The following ADAMTSL1 variants were observed in gnomAD, a reference collection of about 807,000 sequenced individuals.
ADAMTSL1 encodes the protein ADAMTS like 1.
A neutral mutation model predicts 201.8 loss-of-function variants in ADAMTSL1; 126 were observed. That is an observed-to-expected ratio of 0.62 (90% CI 0.54 to 0.72). ADAMTSL1 has a LOEUF of 0.72. Ranked by LOEUF, ADAMTSL1 falls within the 30% of genes least tolerant of loss-of-function variation. The pLI is 0.00. For missense variants in ADAMTSL1, 2,679 were observed against 2,277.8 expected (o/e 1.18, Z -3.59); for synonymous variants, 1,121 against 903.4 (o/e 1.24, Z -4.32).
chr9:18,402,843 G>T (rs957139423), intron 2 of ADAMTSL1, among the ~76,000 whole-genome samples: 10 of 152,074 alleles, frequency 6.6e-5, no homozygotes, highest in Admixed American at 3.9e-4. Flanking sequence ...GACTGCTATT[G>T]GGCTAGAATC....
chr9:18,878,314 C>T (rs1370759473), intron 23 of ADAMTSL1, among the ~76,000 whole-genome samples: 1 of 152,220 alleles, frequency 6.6e-6, no homozygotes, highest in Non-Finnish European at 1.5e-5. Flanking sequence ...GTCCAGGAAA[C>T]TTCATATCCA....
intron 1 of ADAMTSL1, among the ~76,000 whole-genome samples, chr9:17,940,712 CA>C (rs60466124): frequency 0.019 from 1,726 of 88,634 alleles, 29 homozygotes; most frequent in African/African-American, 0.062. Flanking sequence ...GCATAACGTG[CA>C]AAAAAAAAAA....
At chr9:18,202,149 A>G (rs1829474418) in intron 2 of ADAMTSL1, among the ~76,000 whole-genome samples, 1 of 152,180 alleles carries the variant, frequency 6.6e-6, no homozygotes. Flanking sequence ...TGCATTTCCC[A>G]GACAAACACA....
chr9:18,657,536 G>C, intron 7 of ADAMTSL1, 103 bp from the exon 8 acceptor site: 2 of 801,728 alleles, frequency 2.5e-6, no homozygotes, highest in South Asian at 1.6e-5. Context: ...CCCTCACACA[G>C]CCTAAAACCA....
At chr9:18,100,697 T>A (rs1270642030) in intron 1 of ADAMTSL1, among the ~76,000 whole-genome samples, 1 of 152,140 alleles carries the variant, frequency 6.6e-6, no homozygotes, top group Non-Finnish European at 1.5e-5. Flanking sequence ...ATCCCTGACC[T>A]AGACAGGAGG....
At chr9:18,554,251 T>A (rs140581793) in intron 3 of ADAMTSL1, among the ~76,000 whole-genome samples, 129 of 151,952 alleles carry the variant, frequency 8.5e-4, no homozygotes, top group African/African-American at 3.0e-3. Context: ...CATGTTAAAT[T>A]TTTTTATTTT....
At chr9:18,870,683 G>A (rs1259644517) in intron 23 of ADAMTSL1, among the ~76,000 whole-genome samples, 1 of 151,944 alleles carries the variant, frequency 6.6e-6, no homozygotes, top group Non-Finnish European at 1.5e-5. Flanking sequence ...AAAAACACAA[G>A]CTGGTAGATT....
At chr9:18,831,409 C>T (rs1588186966) in intron 23 of ADAMTSL1, among the ~76,000 whole-genome samples, 1 of 152,318 alleles carries the variant, frequency 6.6e-6, no homozygotes, top group Middle Eastern at 3.4e-3. Flanking sequence ...AGCCTGGTCA[C>T]AAGCAGGGTG....
rs556950738 is a variant in ADAMTSL1, at chr9:18,227,798, A to G, written c.207+63817A>G. Among the ~76,000 whole-genome samples the G allele has an allele frequency of 2.0e-4, 30 of 152,252 alleles. No homozygotes were observed. The East Asian group carries it at 5.0e-3, about 25-fold the overall frequency. On this transcript the variant is annotated intron_variant, in intron 2 of 29. Transcript: ENST00000680146. Reference sequence around the variant, plus strand: ...ATATGGTATTATGTTATAATACATCATATCATCATTGTTTCAGAATGAAGA... The same window carrying G: ...ATATGGTATTATGTTATAATACATCGTATCATCATTGTTTCAGAATGAAGA...
intron 1 of ADAMTSL1, among the ~76,000 whole-genome samples, chr9:18,490,753 G>T (rs760350957): frequency 6.6e-6 from 1 of 152,148 alleles, no homozygotes; most frequent in African/African-American, 2.4e-5. Flanking sequence ...AGCATATTCC[G>T]CAGCAAGATG....
chr9:18,777,317 G>A lies in ADAMTSL1; in HGVS notation c.3088G>A (p.Glu1030Lys). 2 of 1,602,410 alleles carry A rather than the reference G, an allele frequency of 1.2e-6. No individual in the cohort carries two copies. The highest frequency in any genetic ancestry group is 1.7e-6 in the Non-Finnish European group (2 of 1,174,660). ...CGACGACCTCGTCTCCCGGCTGCTG[G>A]AGCAGGGCGGCTGGCCCGGAGAGCT... ...RYDDLVSRLL[E>K]QGGWPGELLA... Residue 1030 changes from glutamate to lysine, a missense_variant, in exon 19 of 29, where the codon GAG becomes AAG. Glu to Lys is a moderately conservative substitution (Grantham distance 56, BLOSUM62 1). Transcript: ENST00000380548.
At chr9:18,616,334 C>A (rs1825699522) in intron 4 of ADAMTSL1, among the ~76,000 whole-genome samples, 1 of 152,144 alleles carries the variant, frequency 6.6e-6, no homozygotes, top group Non-Finnish European at 1.5e-5. Flanking sequence ...ATAAAATTTG[C>A]TTTTATCAAA....
At chr9:18,195,856 C>T (rs1439675113) in intron 2 of ADAMTSL1, among the ~76,000 whole-genome samples, 1 of 152,024 alleles carries the variant, frequency 6.6e-6, no homozygotes, top group Admixed American at 6.6e-5. Context: ...AGATGTTTAG[C>T]AGATTTTTAA....
intron 2 of ADAMTSL1, among the ~76,000 whole-genome samples, chr9:18,430,622 C>G (rs1345253851): frequency 1.3e-5 from 2 of 152,202 alleles, no homozygotes; most frequent in African/African-American, 2.4e-5. Context: ...TACTGTTTCC[C>G]TAATCCCAAG....
At chr9:18,863,236 C>G (rs1264407930) in intron 23 of ADAMTSL1, among the ~76,000 whole-genome samples, 2 of 152,112 alleles carry the variant, frequency 1.3e-5, no homozygotes, top group African/African-American at 4.8e-5. Context: ...ACACAGTAAC[C>G]CAATCATTTT....
chr9:18,258,887 G>T (rs1831801948), intron 2 of ADAMTSL1, among the ~76,000 whole-genome samples: 1 of 152,134 alleles, frequency 6.6e-6, no homozygotes. Flanking sequence ...ATTATTGAAT[G>T]AAATTGCTTC....
chr9:18,902,908 G>C (rs1413887918), intron 26 of ADAMTSL1, among the ~76,000 whole-genome samples: 2 of 152,100 alleles, frequency 1.3e-5, no homozygotes, highest in Non-Finnish European at 2.9e-5. Flanking sequence ...CAGTCTTACA[G>C]AAATAAAAAG....
At chr9:18,321,136 A>G (rs879344547) in intron 2 of ADAMTSL1, among the ~76,000 whole-genome samples, 5 of 152,338 alleles carry the variant, frequency 3.3e-5, no homozygotes, top group South Asian at 4.1e-4. Flanking sequence ...CATGCAGACA[A>G]GTAAGCATGA....
intron 1 of ADAMTSL1, among the ~76,000 whole-genome samples, chr9:18,486,483 C>T (rs1262923804): frequency 1.3e-5 from 2 of 152,278 alleles, no homozygotes; most frequent in South Asian, 2.1e-4. Flanking sequence ...GCAGGAGGAT[C>T]GCTTGAGCCC....
Sources: gnomAD v4.1 joint callset for allele counts (sites outside exome capture counted in the v4.1 genomes callset) on GRCh38, gnomAD v4.1.1 for gene constraint, MANE v1.5 for transcripts, NCBI Gene and HGNC (gene_info 2026-07-23, HGNC 2026-07-21) for gene names.